ABCB5: variants seen among roughly 807,000 people sequenced by gnomAD.
The protein encoded by ABCB5 is ATP-binding cassette sub-family B member 5.
A neutral mutation model predicts 144.2 loss-of-function variants in ABCB5; 155 were observed. That is an observed-to-expected ratio of 1.08 (90% CI 0.94 to 1.23). ABCB5 has a LOEUF of 1.23. Ranked by LOEUF, ABCB5 falls within the 50% of genes most tolerant of loss-of-function variation. ABCB5 has a pLI of 0.00. For missense variants in ABCB5, 1,830 were observed against 1,520.8 expected, an observed-to-expected ratio of 1.20 and a Z score of -3.38; for synonymous variants, 610 against 528.6, an observed-to-expected ratio of 1.15 and a Z score of -2.11.
At chr7:20,673,892 T>G (rs1785526778) in intron 14 of ABCB5, among the ~76,000 whole-genome samples, 1 of 152,014 alleles carries the variant, frequency 6.6e-6, no homozygotes, top group African/African-American at 2.4e-5. Flanking sequence ...CTTTTTATGA[T>G]TTTGTTTTAT....
rs773320453 is a variant in ABCB5 at position 20,742,992 on chromosome 7, C to A, written c.3140C>A (p.Ala1047Glu). 2.5e-6 allele frequency: 4 copies of A among 1,614,068 alleles called. No homozygotes were observed. In the African/African-American group the frequency reaches 5.3e-5, roughly 22 times the overall value. The change falls in exon 25 of 28, where the codon GCA (alanine) becomes GAA (glutamate). Residue 1047 changes from alanine (A) to glutamate (E), a missense_variant. Transcript: ENST00000404938. ...SLSIERGKTV[A>E]FVGSSGCGKS... Reference sequence around the variant, plus strand: ...AGTATTGAGCGAGGAAAGACAGTAGCATTTGTGGGGAGCAGCGGCTGTGGG... The same window carrying A: ...AGTATTGAGCGAGGAAAGACAGTAGAATTTGTGGGGAGCAGCGGCTGTGGG...
intron 21 of ABCB5, among the ~76,000 whole-genome samples, chr7:20,723,465 T>G (rs1781938617): frequency 6.6e-6 from 1 of 152,212 alleles, no homozygotes; most frequent in Non-Finnish European, 1.5e-5. Context: ...ATTAGCTGAG[T>G]TAGAATCCAG....
intron 26 of ABCB5, 148 bp downstream of exon 26, chr7:20,745,586 G>T: frequency 1.1e-6 from 1 of 870,388 alleles, no homozygotes; most frequent in East Asian, 2.7e-5. Context: ...CATGAAGTCA[G>T]ATGCGAAAAA....
At chr7:20,690,022 C>G (rs1262125983) in intron 16 of ABCB5, among the ~76,000 whole-genome samples, 1 of 152,126 alleles carries the variant, frequency 6.6e-6, no homozygotes, top group Non-Finnish European at 1.5e-5. Context: ...AGTTTGGATT[C>G]TATTCTTCCT....
intron 14 of ABCB5, among the ~76,000 whole-genome samples, chr7:20,674,161 A>C (rs1785534621): frequency 6.6e-6 from 1 of 151,970 alleles, no homozygotes; most frequent in African/African-American, 2.4e-5. Flanking sequence ...GTTTTTAAAA[A>C]AATTTAAATA....
In ABCB5 at chr7:20,680,740, T is replaced by TA. The variant is rs530035839; in HGVS notation, c.1708-759dup. ...TTTTTCCATATATTAATGATACTTGTAAAAAAGTTAAAAATATATATTACT... is the reference window on the plus strand; with the variant it reads ...TTTTTCCATATATTAATGATACTTGTAAAAAAAGTTAAAAATATATATTACT... On this transcript the variant is annotated intron_variant, in intron 14 of 27. Coordinates refer to ENST00000404938, the MANE Select transcript of ABCB5 (RefSeq NM_001163941.2). Among the ~76,000 whole-genome samples the TA allele has an allele frequency of 7.9e-4, 121 of 152,236 alleles. 2 individuals are homozygous for TA. The highest frequency in any genetic ancestry group is 6.2e-3 in the South Asian group (30 of 4,820).
chr7:20,748,243 T>C (rs1041214955), intron 26 of ABCB5, among the ~76,000 whole-genome samples: 3 of 152,156 alleles, frequency 2.0e-5, no homozygotes, highest in African/African-American at 4.8e-5. Context: ...CTGTGGATAA[T>C]GGCACTGGTA....
chr7:20,628,118 C>A (rs1403490077), intron 3 of ABCB5, among the ~76,000 whole-genome samples: 3 of 152,158 alleles, frequency 2.0e-5, no homozygotes, highest in Admixed American at 1.3e-4. Context: ...ATCAACTTGA[C>A]ATTTACATTA....
chr7:20,681,640 C>G lies in ABCB5; in HGVS notation c.1843C>G (p.Leu615Val), dbSNP rs1785834559. The G allele has an allele frequency of 6.2e-7, 1 of 1,613,914 alleles. No individual in the cohort carries two copies. Among genetic ancestry groups the G allele is most frequent in the Non-Finnish European group, 8.5e-7 (1 of 1,180,008 alleles). The change falls in exon 15 of 28, where the codon CTA becomes GTA. Residue 615 changes from leucine (L) to valine (V), a missense_variant. Physicochemically the swap from Leu to Val is conservative, Grantham distance 32 (BLOSUM62 1). Transcript: ENST00000404938. ...TGCTGAACTAATGGCAAAACGAGGT[C>G]TATATTATTCACTTGTGATGTCACA... is the stretch of plus-strand genomic sequence containing the variant. Reference protein sequence around the residue: ...AHAELMAKRGLYYSLVMSQDI... With the variant: ...AHAELMAKRGVYYSLVMSQDI...
intron 7 of ABCB5, among the ~76,000 whole-genome samples, 160 bp downstream of exon 7, chr7:20,643,792 T>C (rs1784346519): frequency 6.6e-6 from 1 of 152,244 alleles, no homozygotes; most frequent in Non-Finnish European, 1.5e-5. Context: ...TCACCATTAA[T>C]CCCCTTTCTA....
chr7:20,685,551 G>T, intron 15 of ABCB5, 145 bp from the exon 16 acceptor site: 1 of 643,030 alleles, frequency 1.6e-6, no homozygotes. Context: ...TCTCTATCAA[G>T]CCTGAAAGCT....
intron 19 of ABCB5, among the ~76,000 whole-genome samples, chr7:20,703,556 G>A (rs991293488): frequency 7.9e-5 from 12 of 152,184 alleles, no homozygotes. Flanking sequence ...AACCTGCTAT[G>A]CCTTTGTTTT....
At chr7:20,718,661 T>C (rs1781766185) in intron 20 of ABCB5, among the ~76,000 whole-genome samples, 2 of 152,164 alleles carry the variant, frequency 1.3e-5, no homozygotes, top group Non-Finnish European at 2.9e-5. Context: ...AGATGCTAAT[T>C]TTTTTATAGT....
chr7:20,634,122 T>TTTGAC (rs1224794210), intron 5 of ABCB5, among the ~76,000 whole-genome samples: 1 of 152,022 alleles, frequency 6.6e-6, no homozygotes, highest in Non-Finnish European at 1.5e-5. Context: ...ACTTGTGGTA[T>TTTGAC]TTGACTGTTT....
At chr7:20,704,182 C>G (rs569721987) in intron 19 of ABCB5, among the ~76,000 whole-genome samples, 81 of 149,236 alleles carry the variant, frequency 5.4e-4, no homozygotes, top group African/African-American at 1.9e-3. Context: ...CTCAAGCAAT[C>G]CTCCCCACCT....
At chr7:20,676,366 T>A (rs974108211) in intron 14 of ABCB5, among the ~76,000 whole-genome samples, 1 of 152,094 alleles carries the variant, frequency 6.6e-6, no homozygotes, top group African/African-American at 2.4e-5. Flanking sequence ...ATTGGCAGAT[T>A]AACAGATAAA....
chr7:20,618,961 G>C (rs1310206604), intron 1 of ABCB5, among the ~76,000 whole-genome samples: 2 of 151,636 alleles, frequency 1.3e-5, no homozygotes, highest in Non-Finnish European at 2.9e-5. Context: ...CTTTAGTGGA[G>C]ACGGGGTTTC....
At chr7:20,617,093 C>A (rs186008080) in intron 1 of ABCB5, among the ~76,000 whole-genome samples, 10 of 152,156 alleles carry the variant, frequency 6.6e-5, no homozygotes, top group African/African-American at 2.4e-4. Flanking sequence ...AAAAACTGAC[C>A]ACTCTCTAAT....
rs941316802 is a variant in ABCB5, at chr7:20,623,767, G to A, written c.53+429G>A. Reference sequence around the variant, plus strand: ...CTCTGTGAATATGTATGTTATACAAGTTTCTACACGTGGAATTCATTAATT... The same window carrying A: ...CTCTGTGAATATGTATGTTATACAAATTTCTACACGTGGAATTCATTAATT... On this transcript the variant is annotated intron_variant, in intron 2 of 27. Transcript: ENST00000404938. Among the ~76,000 whole-genome samples the A allele has an allele frequency of 3.9e-5, 6 of 152,138 alleles. No individual in the cohort carries two copies. The South Asian group carries it at 8.3e-4, about 21-fold the overall frequency.
Sources: gnomAD v4.1 joint callset for allele counts (sites outside exome capture counted in the v4.1 genomes callset) on GRCh38, gnomAD v4.1.1 for gene constraint, MANE v1.5 for transcripts, NCBI Gene and HGNC (gene_info 2026-07-23, HGNC 2026-07-21) for gene names.